Variants in TNFRSF10D observed in about 807,000 individuals in gnomAD.
The protein encoded by TNFRSF10D is TNF receptor superfamily member 10d.
TNFRSF10D carries 28 observed loss-of-function variants against 42.1 expected under a neutral mutation model. The ratio of observed to expected loss-of-function variants is 0.66; its 90% CI spans 0.49 to 0.91. TNFRSF10D has a LOEUF of 0.91. TNFRSF10D is among the 40% of genes least tolerant of loss of function. TNFRSF10D has a pLI of 0.00. For synonymous variants in TNFRSF10D, 186 were observed against 189.4 expected (o/e 0.98, Z 0.15); for missense variants, 503 against 486.1 (o/e 1.03, Z -0.33).
At position 23,136,336 on chromosome 8, in the gene TNFRSF10D, C is replaced by T; in HGVS notation, c.*1534G>A. The T allele has an allele frequency of 4.9e-6, 1 of 204,762 alleles. No homozygotes were observed. Among genetic ancestry groups the T allele is most frequent in the African/African-American group, 2.3e-5 (1 of 42,622 alleles). The allele number at this position is 204,762 out of a possible 1,614,324, so 12.7% of individuals were successfully genotyped here. Reference sequence around the variant, plus strand: ...ATCTCTGAGATGAGTCAGATGCTTACAGAGGGGCCAAGCTCCTCAAACAGG... The same window carrying T: ...ATCTCTGAGATGAGTCAGATGCTTATAGAGGGGCCAAGCTCCTCAAACAGG... On this transcript the variant is annotated 3_prime_UTR_variant, in exon 9 of 9. Transcript: ENST00000312584.
chr8:23,147,147 C>T (rs1800131996), intron 3 of TNFRSF10D, 75 bp from the exon 4 acceptor site: 2 of 1,250,202 alleles, frequency 1.6e-6, no homozygotes, highest in African/African-American at 3.0e-5. Flanking sequence ...CACCCCATCC[C>T]CTCCCACTCA....
chr8:23,141,244 C>T (rs1800007804), intron 7 of TNFRSF10D, among the ~76,000 whole-genome samples: 1 of 152,200 alleles, frequency 6.6e-6, no homozygotes, highest in Non-Finnish European at 1.5e-5. Flanking sequence ...GGGGCTCACA[C>T]TTATAATACC....
In TNFRSF10D at chr8:23,145,291, GT is replaced by G. The variant is rs544818857; in HGVS notation, c.737-203del. On this transcript the variant is annotated intron_variant, in intron 5 of 8. Transcript: ENST00000312584. ...GGGGAACTAGAGTAAAAACCAACAC[GT>G]GGAAAATCTCTGTGTTCTGCTCTGA... is the stretch of plus-strand genomic sequence containing the variant. Among the ~76,000 whole-genome samples the G allele has an allele frequency of 3.3e-3, 501 of 152,312 alleles. 4 individuals carry two copies. Among genetic ancestry groups the G allele is most frequent in the African/African-American group, 0.012 (480 of 41,566 alleles).
intron 7 of TNFRSF10D, among the ~76,000 whole-genome samples, chr8:23,142,153 C>A (rs930843582): frequency 3.3e-5 from 5 of 152,230 alleles, no homozygotes; most frequent in Non-Finnish European, 7.4e-5. Context: ...TGCCTGTAAT[C>A]CCAGCTACTC....
At chr8:23,138,355 T>C in intron 7 of TNFRSF10D, 95 bp from the exon 8 acceptor site, 1 of 1,376,684 alleles carries the variant, frequency 7.3e-7, no homozygotes, top group Non-Finnish European at 1.0e-6. Context: ...CCTGCAGCGC[T>C]TTCCCTCTTG....
chr8:23,147,674 C>T (rs1397768879), intron 3 of TNFRSF10D, among the ~76,000 whole-genome samples: 1 of 152,172 alleles, frequency 6.6e-6, no homozygotes. Context: ...CACCTGTAAT[C>T]ACAGCACTCT....
intron 1 of TNFRSF10D, among the ~76,000 whole-genome samples, chr8:23,160,186 G>A (rs1800345452): frequency 6.6e-6 from 1 of 152,120 alleles, no homozygotes; most frequent in African/African-American, 2.4e-5. Context: ...GATTCACATG[G>A]GGTTCATCTG....
intron 1 of TNFRSF10D, among the ~76,000 whole-genome samples, chr8:23,159,577 G>A (rs1198740275): frequency 2.0e-5 from 3 of 151,868 alleles, no homozygotes; most frequent in African/African-American, 7.3e-5. Flanking sequence ...ATAAATGTGT[G>A]TGTTGGCTGG....
chr8:23,140,021 G>A (rs1047142896), intron 7 of TNFRSF10D, among the ~76,000 whole-genome samples: 6 of 152,116 alleles, frequency 3.9e-5, no homozygotes, highest in East Asian at 1.9e-4. Flanking sequence ...TGGGTACGGT[G>A]GCTCACGCCT....
At chr8:23,157,638 G>A (rs1800300009) in intron 1 of TNFRSF10D, among the ~76,000 whole-genome samples, 2 of 152,170 alleles carry the variant, frequency 1.3e-5, no homozygotes, top group South Asian at 4.1e-4. Flanking sequence ...CAGAGAAACA[G>A]CTGATTTAAT....
At position 23,140,818 on chromosome 8, in the gene TNFRSF10D, A is replaced by G. The variant is rs532191884; in HGVS notation, c.955-2558T>C. Among the ~76,000 whole-genome samples, 4 of 152,256 alleles carry G rather than the reference A, an allele frequency of 2.6e-5. No individual in the cohort carries two copies. The South Asian group carries it at 8.3e-4, about 32-fold the overall frequency. ...TCTTTCACCTCAGGCCATGATTGTG[A>G]GGCCTCCCCAGCCATGTGGAACTGT... On this transcript the variant is annotated intron_variant, in intron 7 of 8. Transcript: ENST00000312584.
chr8:23,142,314 C>T (rs1412941242), intron 7 of TNFRSF10D, among the ~76,000 whole-genome samples: 1 of 151,742 alleles, frequency 6.6e-6, no homozygotes, highest in Non-Finnish European at 1.5e-5. Context: ...AAAGACACCA[C>T]TATCCATAAT....
At chr8:23,157,888 T>G (rs929452170) in intron 1 of TNFRSF10D, among the ~76,000 whole-genome samples, 2 of 152,188 alleles carry the variant, frequency 1.3e-5, no homozygotes, top group Non-Finnish European at 2.9e-5. Context: ...CATCAGGTGG[T>G]TGATAACCGT....
chr8:23,157,561 G>A (rs1250165750), intron 1 of TNFRSF10D, among the ~76,000 whole-genome samples: 1 of 152,160 alleles, frequency 6.6e-6, no homozygotes, highest in Non-Finnish European at 1.5e-5. Flanking sequence ...GTTAAGTCAA[G>A]GTGGTTGATA....
Position 23,138,324 on chromosome 8 carries a change from T to C in TNFRSF10D, c.955-64A>G, listed in dbSNP as rs1336224706. 1.6e-3 allele frequency: 2,557 copies of C among 1,575,732 alleles called. No homozygotes were observed. The African/African-American group carries it at 0.019, about 12-fold the overall frequency. On this transcript the variant is annotated intron_variant, in intron 7 of 8. Transcript: ENST00000312584. Reference sequence around the variant, plus strand: ...GAGTCCTGCAGTCTAGTACTGACCCTGACCACTAGCCAGCAAGAGACCTGC... The same window carrying C: ...GAGTCCTGCAGTCTAGTACTGACCCCGACCACTAGCCAGCAAGAGACCTGC...
At chr8:23,148,581 A>T (rs775330900) in intron 2 of TNFRSF10D, 30 bp from the exon 3 acceptor site, 4 of 1,528,514 alleles carry the variant, frequency 2.6e-6, no homozygotes, top group Non-Finnish European at 3.6e-6. Flanking sequence ...TTAATGAATG[A>T]GTCACCACAG....
chr8:23,150,511 T>G (rs1800200144), intron 2 of TNFRSF10D, among the ~76,000 whole-genome samples: 1 of 152,180 alleles, frequency 6.6e-6, no homozygotes, highest in South Asian at 2.1e-4. Context: ...CAGGGAACAG[T>G]GACGGCACCA....
chr8:23,139,060 T>A (rs1814397466), intron 7 of TNFRSF10D, among the ~76,000 whole-genome samples: 1 of 147,510 alleles, frequency 6.8e-6, no homozygotes, highest in African/African-American at 2.7e-5. Flanking sequence ...ATCATTATTT[T>A]CAACGTCATT....
intron 1 of TNFRSF10D, among the ~76,000 whole-genome samples, chr8:23,159,435 T>C (rs182687710): frequency 8.0e-4 from 122 of 152,336 alleles, no homozygotes; most frequent in Admixed American, 1.2e-3. Context: ...TGTGCAGACC[T>C]TGTTAGAACA....
Sources: gnomAD v4.1 joint callset for allele counts (sites outside exome capture counted in the v4.1 genomes callset) on GRCh38, gnomAD v4.1.1 for gene constraint, MANE v1.5 for transcripts, NCBI Gene and HGNC (gene_info 2026-07-23, HGNC 2026-07-21) for gene names.